PCDHGA5: variants seen among roughly 807,000 people sequenced by gnomAD.
PCDHGA5 encodes the protein protocadherin gamma-A5.
A neutral mutation model predicts 56.7 loss-of-function variants in PCDHGA5; 36 were observed. The observed-to-expected ratio is 0.64, with a 90% CI of 0.49 to 0.84. The LOEUF (loss-of-function observed/expected upper bound fraction) is 0.84, where lower values mean the gene tolerates loss of function less well. PCDHGA5 is among the 40% of genes least tolerant of loss of function. PCDHGA5 has a pLI of 0.00. For synonymous variants in PCDHGA5, 563 were observed against 520.2 expected, an observed-to-expected ratio of 1.08 and a Z score of -1.12; for missense variants, 1,305 against 1,201.5, an observed-to-expected ratio of 1.09 and a Z score of -1.27.
intron 1 of PCDHGA5, chr5:141,423,443 C>A: frequency 6.2e-7 from 1 of 1,613,998 alleles, no homozygotes; most frequent in Non-Finnish European, 8.5e-7. Flanking sequence ...ATGCCCACGT[C>A]ACATTTTGTA....
chr5:141,453,317 G>A (rs1218359210), intron 1 of PCDHGA5, among the ~76,000 whole-genome samples: 1 of 151,178 alleles, frequency 6.6e-6, no homozygotes, highest in Non-Finnish European at 1.5e-5. Flanking sequence ...ATTTATTTTA[G>A]AGATGGGGTC....
intron 1 of PCDHGA5, among the ~76,000 whole-genome samples, chr5:141,386,507 C>G (rs972515111): frequency 2.0e-5 from 1 of 50,524 alleles, no homozygotes. Context: ...AAGACTCTGT[C>G]TCTTCAAAAA....
chr5:141,478,594 C>T, intron 1 of PCDHGA5: 2 of 1,569,448 alleles, frequency 1.3e-6, no homozygotes, highest in Non-Finnish European at 1.7e-6. Context: ...TTTTTTATTC[C>T]TACATCATAT....
rs189836587 is a variant in PCDHGA5, at chr5:141,376,293, G to A, written c.2421+9542G>A. 14 of 1,614,094 alleles carry A rather than the reference G, an allele frequency of 8.7e-6. No homozygotes were observed. In the Admixed American group the frequency reaches 2.0e-4, roughly 23 times the overall value. On this transcript the variant is annotated intron_variant, in intron 1 of 3. Coordinates refer to ENST00000518069, the MANE Select transcript of PCDHGA5 (RefSeq NM_018918.3). ...GGAGGTGGCTTAGCGAGCATGCCCG[G>A]CTCGCACTTTGTGGGCGTGGAAGGG... is the stretch of plus-strand genomic sequence containing the variant.
At chr5:141,495,236 A>G (rs2099759742) in intron 2 of PCDHGA5, among the ~76,000 whole-genome samples, 1 of 152,168 alleles carries the variant, frequency 6.6e-6, no homozygotes, top group South Asian at 2.1e-4. Flanking sequence ...GGGCTCCATT[A>G]TGACCTGGGG....
chr5:141,440,527 T>G (rs1282939317), intron 1 of PCDHGA5: 3 of 152,222 alleles, frequency 2.0e-5, no homozygotes, highest in African/African-American at 7.2e-5. Context: ...TGAAGAATCA[T>G]GCACCACGGT....
At chr5:141,372,366 G>T in intron 1 of PCDHGA5, 2 of 1,613,950 alleles carry the variant, frequency 1.2e-6, no homozygotes, top group East Asian at 4.5e-5. Context: ...TTCAGCCACC[G>T]TCATGCTGCA....
chr5:141,482,109 C>G (rs972542276), intron 1 of PCDHGA5, among the ~76,000 whole-genome samples: 2 of 149,582 alleles, frequency 1.3e-5, no homozygotes, highest in African/African-American at 2.5e-5. Context: ...AAAAAAATAT[C>G]TAGAGATGGG....
intron 1 of PCDHGA5, among the ~76,000 whole-genome samples, chr5:141,469,206 A>T (rs752389937): frequency 6.6e-6 from 1 of 150,920 alleles, no homozygotes; most frequent in African/African-American, 2.4e-5. Flanking sequence ...AGCCTTTTGA[A>T]GTTGAGGCTT....
At chr5:141,463,261 T>G (rs552225283) in intron 1 of PCDHGA5, among the ~76,000 whole-genome samples, 29 of 152,134 alleles carry the variant, frequency 1.9e-4, no homozygotes, top group African/African-American at 6.3e-4. Context: ...TAGTACTCTA[T>G]CCCATAAATT....
chr5:141,432,016 C>G lies in PCDHGA5; in HGVS notation c.2422-62791C>G. 1 of 1,614,202 alleles carries G rather than the reference C, an allele frequency of 6.2e-7. No individual in the cohort carries two copies. The highest frequency in any genetic ancestry group is 1.1e-5 in the South Asian group (1 of 91,082). ...ATAGGGAACAGGTTCCTAGCTACAACATCACAGTGACCGCCACTGACCGGG... is the reference window on the plus strand; with the variant it reads ...ATAGGGAACAGGTTCCTAGCTACAAGATCACAGTGACCGCCACTGACCGGG... On this transcript the variant is annotated intron_variant, in intron 1 of 3. Coordinates refer to ENST00000518069, the MANE Select transcript of PCDHGA5 (RefSeq NM_018918.3). The surrounding 1 kb of genome is among the most constrained non-coding windows in gnomAD (Gnocchi z 6.0).
chr5:141,403,377 T>G lies in PCDHGA5; in HGVS notation c.2421+36626T>G. 6.2e-7 allele frequency: 1 copy of G among 1,614,016 alleles called. No homozygotes were observed. The highest frequency in any genetic ancestry group is 8.5e-7 in the Non-Finnish European group (1 of 1,179,900). On this transcript the variant is annotated intron_variant, in intron 1 of 3. Transcript: ENST00000518069. ...CAGGCCGAAAGTCTGGAAGTAAAAA[T>G]TAACGAAATCGCGGTTCCTGGAGCA... is the stretch of plus-strand genomic sequence containing the variant.
Position 141,374,094 on chromosome 5 carries a change from C to A in PCDHGA5, c.2421+7343C>A. 1 of 1,555,744 alleles carries A rather than the reference C, an allele frequency of 6.4e-7. No homozygotes were observed. The highest frequency in any genetic ancestry group is 1.2e-5 in the South Asian group (1 of 82,772). On this transcript the variant is annotated intron_variant, in intron 1 of 3. Coordinates refer to ENST00000518069, the MANE Select transcript of PCDHGA5 (RefSeq NM_018918.3). ...CCTAATAAGCCAGTAATGGCGCCTC[C>A]GCAGAGGCATCCGCAGCGCAGCGAG...
rs375537017 is a variant in PCDHGA5 at position 141,419,439 on chromosome 5, C to T, written c.2421+52688C>T. 22 of 1,613,154 alleles carry T rather than the reference C, an allele frequency of 1.4e-5. No individual in the cohort carries two copies. Among genetic ancestry groups the T allele is most frequent in the Non-Finnish European group, 1.7e-5 (20 of 1,179,788 alleles). On this transcript the variant is annotated intron_variant, in intron 1 of 3. Transcript: ENST00000518069. ...GCCTTCGACCACGAGCAGCTGCGCACCTTCGAGCTCACGCTGCAGGCCCGC... is the reference window on the plus strand; with the variant it reads ...GCCTTCGACCACGAGCAGCTGCGCATCTTCGAGCTCACGCTGCAGGCCCGC...
Position 141,485,183 on chromosome 5 carries a change from A to C in PCDHGA5, c.2422-9624A>C, listed in dbSNP as rs777796801. On this transcript the variant is annotated intron_variant, in intron 1 of 3. Transcript: ENST00000518069. This position sits in a 1 kb window ranked among gnomAD's most constrained non-coding sequence, Gnocchi z 5.7. ...TTAGCGGGCGGCAGCAATGCTCCGC[A>C]AGGTGAGAAGCTGGACAGAAATCTG... 1.9e-6 allele frequency: 3 copies of C among 1,613,248 alleles called. No individual in the cohort carries two copies. The highest frequency in any genetic ancestry group is 3.3e-5 in the Admixed American group (2 of 60,006).
Position 141,370,437 on chromosome 5 carries a change from C to A in PCDHGA5, c.2421+3686C>A, listed in dbSNP as rs770648794. ...ATGGAGGGGCCCAGCAGGGCAGAGG[C>A]GAATGCTATTTCTCTTCCTGCTCTC... On this transcript the variant is annotated intron_variant, in intron 1 of 3. Coordinates refer to ENST00000518069, the MANE Select transcript of PCDHGA5 (RefSeq NM_018918.3). 1.6e-5 allele frequency: 26 copies of A among 1,603,674 alleles called. No individual in the cohort carries two copies. In the East Asian group the frequency reaches 5.6e-4, roughly 34 times the overall value.
At chr5:141,437,011 T>C (rs2097858173) in intron 1 of PCDHGA5, among the ~76,000 whole-genome samples, 1 of 152,236 alleles carries the variant, frequency 6.6e-6, no homozygotes, top group Non-Finnish European at 1.5e-5. Flanking sequence ...GGATCTTAGA[T>C]AATTTCACCA....
chr5:141,387,563 A>C (rs1589038442), intron 1 of PCDHGA5: 1 of 438,342 alleles, frequency 2.3e-6, no homozygotes, highest in East Asian at 3.7e-5. Context: ...TTAGGCACAC[A>C]ATTATAATTA....
At chr5:141,462,905 T>G (rs542357408) in intron 1 of PCDHGA5, among the ~76,000 whole-genome samples, 265 of 152,356 alleles carry the variant, frequency 1.7e-3, no homozygotes, top group Non-Finnish European at 3.1e-3. Flanking sequence ...AAGGCTATTA[T>G]GTTTTTTGCA....
Sources: gnomAD v4.1 joint callset for allele counts (sites outside exome capture counted in the v4.1 genomes callset) on GRCh38, gnomAD v4.1.1 for gene constraint, Gnocchi (gnomAD v3.1) non-coding constraint, MANE v1.5 for transcripts, NCBI Gene and HGNC (gene_info 2026-07-23, HGNC 2026-07-21) for gene names.